Variants in RUNX2 observed in about 807,000 individuals in gnomAD.
RUNX2 encodes runt-related transcription factor 2.
Under a neutral mutation model 51.7 loss-of-function variants are expected in RUNX2, and 10 were observed. That is an observed-to-expected ratio of 0.19 (90% CI 0.12 to 0.33). RUNX2 has a LOEUF of 0.33. Ranked by LOEUF, RUNX2 falls within the 10% of genes least tolerant of loss-of-function variation. The pLI, the probability that RUNX2 is intolerant of heterozygous loss-of-function variation, is 1.00. For missense variants in RUNX2, 562 were observed against 691.3 expected, an observed-to-expected ratio of 0.81 and a Z score of 2.10; for synonymous variants, 276 against 273.6, an observed-to-expected ratio of 1.01 and a Z score of -0.09.
intron 5 of RUNX2, among the ~76,000 whole-genome samples, chr6:45,463,028 C>A (rs1799519149): frequency 6.6e-6 from 1 of 152,210 alleles, no homozygotes; most frequent in South Asian, 2.1e-4. Context: ...GCACAGGCAC[C>A]TTTACAGACC....
At chr6:45,494,128 G>C (rs1800569600) in intron 6 of RUNX2, among the ~76,000 whole-genome samples, 1 of 152,226 alleles carries the variant, frequency 6.6e-6, no homozygotes, top group African/African-American at 2.4e-5. Flanking sequence ...AAGAGGATCT[G>C]TGTTTTAGTA....
chr6:45,514,733 T>G (rs1033355054), intron 7 of RUNX2, among the ~76,000 whole-genome samples: 2 of 152,078 alleles, frequency 1.3e-5, no homozygotes, highest in African/African-American at 2.4e-5. Context: ...TCAAGGACCA[T>G]GTCATCGGAG....
chr6:45,391,433 A>T (rs534287061), intron 2 of RUNX2, among the ~76,000 whole-genome samples: 1 of 152,274 alleles, frequency 6.6e-6, no homozygotes, highest in East Asian at 1.9e-4. Flanking sequence ...TACTATGATT[A>T]CTTGTACAGC....
chr6:45,539,094 A>C (rs1282744018), intron 7 of RUNX2, among the ~76,000 whole-genome samples: 1 of 151,522 alleles, frequency 6.6e-6, no homozygotes, highest in Non-Finnish European at 1.5e-5. Context: ...ATACACACTC[A>C]CTCACACATC....
At chr6:45,468,622 A>G (rs1380202152) in intron 5 of RUNX2, among the ~76,000 whole-genome samples, 1 of 152,234 alleles carries the variant, frequency 6.6e-6, no homozygotes, top group Non-Finnish European at 1.5e-5. Flanking sequence ...CAATGTGTTA[A>G]AACTTTAGGG....
At chr6:45,399,274 C>G (rs966745504) in intron 2 of RUNX2, among the ~76,000 whole-genome samples, 18 of 149,918 alleles carry the variant, frequency 1.2e-4, no homozygotes, top group African/African-American at 4.4e-4. Flanking sequence ...CCCAAAGTGG[C>G]TTCTTTTTCT....
intron 2 of RUNX2, among the ~76,000 whole-genome samples, chr6:45,390,361 G>A (rs533055864): frequency 9.2e-5 from 14 of 152,318 alleles, no homozygotes; most frequent in East Asian, 5.8e-4. Context: ...GGTTCAGGCC[G>A]TCTTCCTTGG....
chr6:45,424,896 A>G (rs1798342889), intron 3 of RUNX2, among the ~76,000 whole-genome samples: 1 of 152,144 alleles, frequency 6.6e-6, no homozygotes, highest in East Asian at 1.9e-4. Flanking sequence ...CTTCCTTGAA[A>G]TAGGAAAAGC....
intron 2 of RUNX2, among the ~76,000 whole-genome samples, chr6:45,375,975 C>T (rs566083068): frequency 6.6e-6 from 1 of 152,130 alleles, no homozygotes; most frequent in African/African-American, 2.4e-5. Flanking sequence ...TTTTTCAAAT[C>T]GCTTTATTAC....
chr6:45,422,806 C>G lies in RUNX2; in HGVS notation c.272C>G (p.Pro91Arg). 6.3e-7 allele frequency: 1 copy of G among 1,584,878 alleles called. No individual in the cohort carries two copies. The highest frequency in any genetic ancestry group is 8.6e-7 in the Non-Finnish European group (1 of 1,169,448). ...GCTGCGGCGGCGGCAGCTGCAGTGC[C>G]CCGGTTGCGGCCGCCCCACGACAAC... ...AAAAAAAAAV[P>R]RLRPPHDNRT... Residue 91 changes from proline (P) to arginine (R), a missense_variant, in exon 3 of 9, where the codon CCC (proline) becomes CGC (arginine). Pro to Arg is a moderately radical substitution (Grantham distance 103). Transcript: ENST00000647337.
chr6:45,365,093 TAAC>T (rs1315870781), intron 2 of RUNX2: 2 of 718,514 alleles, frequency 2.8e-6, no homozygotes, highest in Admixed American at 6.3e-5. Flanking sequence ...ACTTGATTAA[TAAC>T]AAATTATTTC....
At chr6:45,493,188 G>A (rs901879471) in intron 6 of RUNX2, among the ~76,000 whole-genome samples, 10 of 151,772 alleles carry the variant, frequency 6.6e-5, no homozygotes, top group Admixed American at 1.3e-4. Flanking sequence ...TATTTTAGTC[G>A]GAATGTATGA....
intron 5 of RUNX2, among the ~76,000 whole-genome samples, chr6:45,453,885 G>A (rs952642238): frequency 1.3e-5 from 2 of 152,166 alleles, no homozygotes; most frequent in African/African-American, 4.8e-5. Context: ...TGTATAATTA[G>A]GAAAGCACTG....
At position 45,331,139 on chromosome 6, in the gene RUNX2, G is replaced by A. The variant is rs562980116; in HGVS notation, c.58+2355G>A. Among the ~76,000 whole-genome samples the A allele has an allele frequency of 1.7e-4, 25 of 151,064 alleles. No homozygotes were observed. The South Asian group carries it at 3.3e-3, about 20-fold the overall frequency. ...TGTGTGTGTGTGTGCGCGCGCGCGC[G>A]CACATGCTAGAGAAAGAGTATGTCT... On this transcript the variant is annotated intron_variant, in intron 2 of 8. Coordinates refer to ENST00000647337, the MANE Select transcript of RUNX2 (RefSeq NM_001024630.4).
intron 2 of RUNX2, among the ~76,000 whole-genome samples, chr6:45,387,461 G>A (rs754034683): frequency 2.0e-5 from 3 of 152,108 alleles, no homozygotes; most frequent in Non-Finnish European, 4.4e-5. Flanking sequence ...AAACATTCTC[G>A]CAAGAATCTG....
chr6:45,393,176 TC>T (rs1319271641), intron 2 of RUNX2, among the ~76,000 whole-genome samples: 2 of 152,230 alleles, frequency 1.3e-5, no homozygotes, highest in Non-Finnish European at 1.5e-5. Context: ...AATTTCAAAA[TC>T]TCTGCTATAT....
At chr6:45,514,523 T>C (rs1434677948) in intron 7 of RUNX2, among the ~76,000 whole-genome samples, 2 of 152,074 alleles carry the variant, frequency 1.3e-5, no homozygotes, top group Admixed American at 6.5e-5. Context: ...TTGTCACTGG[T>C]AAAGTAACAT....
At chr6:45,427,123 C>G (rs1046105207) in intron 3 of RUNX2, among the ~76,000 whole-genome samples, 2 of 151,832 alleles carry the variant, frequency 1.3e-5, no homozygotes, top group African/African-American at 4.8e-5. Context: ...TATTTTGGGA[C>G]TGAATATATA....
In RUNX2 at chr6:45,350,506, G is replaced by A. The variant is rs561712833; in HGVS notation, c.58+21722G>A. ...GGAATTGGTTTACATTTTGGCTCAA[G>A]CTGCTTTCTCACAGAAGACCAATAA... On this transcript the variant is annotated intron_variant, in intron 2 of 8. Coordinates refer to ENST00000647337, the MANE Select transcript of RUNX2 (RefSeq NM_001024630.4). Among the ~76,000 whole-genome samples, 18 of 152,296 alleles carry A rather than the reference G, an allele frequency of 1.2e-4. No individual in the cohort carries two copies. The East Asian group carries it at 3.3e-3, about 28-fold the overall frequency.
Sources: allele counts gnomAD v4.1 joint callset (sites outside exome capture counted in the v4.1 genomes callset), GRCh38; gene constraint gnomAD v4.1.1; transcripts MANE v1.5; gene names NCBI Gene and HGNC (gene_info 2026-07-23, HGNC 2026-07-21).